The following NYAP2 variants were observed in gnomAD, a reference collection of about 807,000 sequenced individuals.
NYAP2 encodes the protein neuronal tyrosine-phosphorylated phosphoinositide-3-kinase adapter 2.
A neutral mutation model predicts 50.4 loss-of-function variants in NYAP2; 23 were observed. The ratio of observed to expected loss-of-function variants is 0.46; its 90% CI spans 0.33 to 0.65. The LOEUF (loss-of-function observed/expected upper bound fraction) is 0.65. NYAP2 is among the 30% of genes least tolerant of loss of function. The pLI is 0.02. For synonymous variants in NYAP2, 394 were observed against 365.2 expected, an observed-to-expected ratio of 1.08 and a Z score of -0.90; for missense variants, 885 against 861.0, an observed-to-expected ratio of 1.03 and a Z score of -0.35.
the NYAP2 span, among the ~76,000 whole-genome samples, chr2:225,678,490 C>T: frequency 3.3e-5 from 5 of 152,112 alleles, no homozygotes; most frequent in Non-Finnish European, 7.4e-5. Flanking sequence ...TTTCTAGTTC[C>T]TCTCATTGCA....
intron 4 of NYAP2, among the ~76,000 whole-genome samples, chr2:225,532,645 GTTTA>G (rs146256842): frequency 0.016 from 2,503 of 152,198 alleles, 56 homozygotes; most frequent in African/African-American, 0.056. Flanking sequence ...GTGAATTTTA[GTTTA>G]TTTCTTTCTT....
intron 3 of NYAP2, among the ~76,000 whole-genome samples, chr2:225,411,405 C>T (rs1282795619): frequency 4.1e-4 from 63 of 152,012 alleles, no homozygotes; most frequent in Non-Finnish European, 2.9e-5. Context: ...GCAGGTTTAG[C>T]GTAACTGATG....
At chr2:225,660,440 C>CT in the NYAP2 span, among the ~76,000 whole-genome samples, 3 of 68,264 alleles carry the variant, frequency 4.4e-5, no homozygotes, top group Non-Finnish European at 6.7e-5. Flanking sequence ...ACACAGGATA[C>CT]ATTTTTTTTT....
chr2:225,407,496 T>C (rs1219028841), intron 2 of NYAP2, among the ~76,000 whole-genome samples: 1 of 151,968 alleles, frequency 6.6e-6, no homozygotes, highest in Non-Finnish European at 1.5e-5. Flanking sequence ...AAATCAAATA[T>C]GGATTGACTG....
At chr2:225,615,108 C>T (rs746394043) in intron 5 of NYAP2, among the ~76,000 whole-genome samples, 1 of 152,150 alleles carries the variant, frequency 6.6e-6, no homozygotes, top group African/African-American at 2.4e-5. Flanking sequence ...TCATTTCCAC[C>T]TGCATTCTAA....
intron 4 of NYAP2, among the ~76,000 whole-genome samples, chr2:225,564,597 C>A (rs1691930611): frequency 6.6e-6 from 1 of 151,782 alleles, no homozygotes; most frequent in South Asian, 2.1e-4. Flanking sequence ...AATCTTTTCT[C>A]TTTTCCCACC....
At chr2:225,400,382 G>GGAGAGAGAATGAGAGA in intron 1 of NYAP2, 127 bp downstream of exon 1, 1 of 152,032 alleles carries the variant, frequency 6.6e-6, no homozygotes, top group South Asian at 2.1e-4. Context: ...GGGAGTGGAG[G>GGAGAGAGAATGAGAGA]GAGAGAGAAT....
chr2:225,470,825 G>GTGTATA (rs151090508), intron 3 of NYAP2, among the ~76,000 whole-genome samples: 1,721 of 151,782 alleles, frequency 0.011, 41 homozygotes, highest in African/African-American at 0.04. Context: ...GTGTGTGTGT[G>GTGTATA]TATATATATT....
At chr2:225,471,749 G>C (rs1690014863) in intron 3 of NYAP2, among the ~76,000 whole-genome samples, 2 of 152,200 alleles carry the variant, frequency 1.3e-5, no homozygotes, top group Admixed American at 1.3e-4. Flanking sequence ...AAAACAAGTT[G>C]AGAGAGTGTA....
the NYAP2 span, among the ~76,000 whole-genome samples, chr2:225,671,905 CT>C: frequency 4.6e-5 from 7 of 151,186 alleles, no homozygotes; most frequent in East Asian, 1.9e-4. Flanking sequence ...GAAAGGAATT[CT>C]TTTTTTTTCT....
At chr2:225,681,029 C>A in the NYAP2 span, among the ~76,000 whole-genome samples, 2 of 152,176 alleles carry the variant, frequency 1.3e-5, no homozygotes, top group Non-Finnish European at 2.9e-5. Flanking sequence ...TGTGATTGTG[C>A]ATTAGGAAAG....
intron 3 of NYAP2, among the ~76,000 whole-genome samples, chr2:225,449,597 T>TTC (rs1218886088): frequency 6.8e-6 from 1 of 147,780 alleles, no homozygotes; most frequent in East Asian, 1.9e-4. Context: ...CTCTCTCTCT[T>TTC]TCTCTTTTTT....
At chr2:225,680,211 T>C in the NYAP2 span, among the ~76,000 whole-genome samples, 2 of 152,314 alleles carry the variant, frequency 1.3e-5, no homozygotes, top group South Asian at 4.1e-4. Context: ...TTAAGAAAAT[T>C]GCACAAAGAA....
At chr2:225,456,821 G>C (rs938723212) in intron 3 of NYAP2, among the ~76,000 whole-genome samples, 16 of 152,126 alleles carry the variant, frequency 1.1e-4, no homozygotes, top group African/African-American at 3.9e-4. Flanking sequence ...CTATCTGAGT[G>C]CACCTAAAGG....
the NYAP2 span, among the ~76,000 whole-genome samples, chr2:225,688,009 T>C: frequency 6.6e-6 from 1 of 152,186 alleles, no homozygotes; most frequent in Non-Finnish European, 1.5e-5. Flanking sequence ...TCAGATTCTC[T>C]GACATTGGTG....
intron 4 of NYAP2, among the ~76,000 whole-genome samples, chr2:225,516,227 G>A (rs1690932248): frequency 6.6e-6 from 1 of 152,124 alleles, no homozygotes; most frequent in African/African-American, 2.4e-5. Flanking sequence ...TTCTCTCTCA[G>A]ATGCCTTCAC....
At chr2:225,662,775 T>TC in the NYAP2 span, among the ~76,000 whole-genome samples, 1 of 152,172 alleles carries the variant, frequency 6.6e-6, no homozygotes, top group African/African-American at 2.4e-5. Context: ...TAGAGGTTTT[T>TC]CGGGAGAAAC....
intron 3 of NYAP2, among the ~76,000 whole-genome samples, chr2:225,432,429 T>C (rs971287915): frequency 1.3e-5 from 2 of 149,944 alleles, no homozygotes; most frequent in South Asian, 2.1e-4. Context: ...TTTATATATA[T>C]AAATTTATGT....
intron 3 of NYAP2, among the ~76,000 whole-genome samples, chr2:225,427,840 A>G (rs1393871951): frequency 6.6e-6 from 1 of 152,206 alleles, no homozygotes; most frequent in East Asian, 1.9e-4. Context: ...GAAGATTTGT[A>G]AAGTGATTCA....
Sources: gnomAD v4.1 joint callset for allele counts (sites outside exome capture counted in the v4.1 genomes callset) on GRCh38, gnomAD v4.1.1 for gene constraint, MANE v1.5 for transcripts, NCBI Gene and HGNC (gene_info 2026-07-23, HGNC 2026-07-21) for gene names.